The following ADAM17 variants were observed in gnomAD, a reference collection of about 807,000 sequenced individuals.
ADAM17 encodes disintegrin and metalloproteinase domain-containing protein 17.
In ADAM17, 39 loss-of-function variants were observed where a neutral mutation model predicts 96.7. The observed-to-expected ratio is 0.40, with a 90% CI of 0.31 to 0.53. The LOEUF (loss-of-function observed/expected upper bound fraction) is 0.53, where lower values mean the gene tolerates loss of function less well. Ranked by LOEUF, ADAM17 falls within the 20% of genes least tolerant of loss-of-function variation. The pLI, the probability that ADAM17 is intolerant of heterozygous loss-of-function variation, is 0.44. For synonymous variants in ADAM17, 344 were observed against 359.2 expected (o/e 0.96, Z 0.48); for missense variants, 777 against 1,013.2 (o/e 0.77, Z 3.17).
intron 1 of ADAM17, among the ~76,000 whole-genome samples, chr2:9,546,443 C>T (rs1665406481): frequency 6.6e-6 from 1 of 152,196 alleles, no homozygotes; most frequent in African/African-American, 2.4e-5. Flanking sequence ...CGTACTACTG[C>T]TATTGTGTTT....
At chr2:9,538,001 GGAAGGGAGGGGAGGA>G (rs1665052343) in intron 2 of ADAM17, among the ~76,000 whole-genome samples, 2 of 24,116 alleles carry the variant, frequency 8.3e-5, no homozygotes, top group Admixed American at 2.8e-4. Flanking sequence ...GGAGGGGAGG[GGAAGGGAGGGGAGGA>G]GAGGGGAGGG....
In ADAM17 at chr2:9,505,155, A is replaced by G. The variant is rs1287128772; in HGVS notation, c.1544+11T>C. The G allele has an allele frequency of 1.2e-6, 2 of 1,614,012 alleles. No individual in the cohort carries two copies. Among genetic ancestry groups the G allele is most frequent in the Admixed American group, 3.3e-5 (2 of 60,012 alleles). ...CCAACTTCCCAAAATCCCTGTGGAG[A>G]GACTCCTCACCTGCACTGGACACCT... On this transcript the variant is annotated intron_variant, in intron 12 of 18. Coordinates refer to ENST00000310823, the MANE Select transcript of ADAM17 (RefSeq NM_003183.6).
chr2:9,514,547 A>G lies in ADAM17; in HGVS notation c.1191+3354T>C, dbSNP rs868216284. Among the ~76,000 whole-genome samples, 12 of 96,022 alleles carry G rather than the reference A, an allele frequency of 1.2e-4. 1 individual carries two copies. Among genetic ancestry groups the G allele is most frequent in the African/African-American group, 3.9e-4 (12 of 30,810 alleles). The allele number at this position is 96,022 out of a possible 152,430, so 63.0% of individuals were successfully genotyped here. On this transcript the variant is annotated intron_variant, in intron 10 of 18. Transcript: ENST00000310823. ...TATATATATATATATATATATATAT[A>G]TATATATATATATATATATATAAAT...
At chr2:9,535,664 A>G (rs527889823) in intron 4 of ADAM17, among the ~76,000 whole-genome samples, 170 bp downstream of exon 4, 6 of 152,336 alleles carry the variant, frequency 3.9e-5, no homozygotes, top group Admixed American at 3.9e-4. Flanking sequence ...GTATCATAAC[A>G]CAGCTTCTTA....
chr2:9,511,765 G>T (rs1309973764), intron 10 of ADAM17, among the ~76,000 whole-genome samples: 2 of 152,144 alleles, frequency 1.3e-5, no homozygotes, highest in African/African-American at 4.8e-5. Context: ...GAGGTCAGGA[G>T]TTCCAGACCA....
chr2:9,521,139 T>C (rs111287535), intron 8 of ADAM17, 64 bp downstream of exon 8: 3 of 1,313,234 alleles, frequency 2.3e-6, no homozygotes, highest in South Asian at 2.4e-5. Context: ...TTAAAACACA[T>C]ACAATCCACA....
rs527627488 is a variant in ADAM17 at position 9,555,370 on chromosome 2, C to G, written c.97+139G>C. The G allele has an allele frequency of 7.9e-5, 51 of 643,028 alleles. 1 individual carries two copies. Among genetic ancestry groups the G allele is most frequent in the Admixed American group, 6.0e-4 (19 of 31,408 alleles). The allele number at this position is 643,028 out of a possible 1,614,324, so 39.8% of individuals were successfully genotyped here. On this transcript the variant is annotated intron_variant, in intron 1 of 18. Coordinates refer to ENST00000310823, the MANE Select transcript of ADAM17 (RefSeq NM_003183.6). Reference sequence around the variant, plus strand: ...TCCCCAAACTCCGAGAGCCACACCCCCTTCTACACTGAAAACTTAGGGACG... The same window carrying G: ...TCCCCAAACTCCGAGAGCCACACCCGCTTCTACACTGAAAACTTAGGGACG...
intron 13 of ADAM17, among the ~76,000 whole-genome samples, chr2:9,497,499 C>T (rs1240589739): frequency 6.6e-6 from 1 of 152,252 alleles, no homozygotes. Flanking sequence ...ATGGTCTCCA[C>T]TTCTGCATCT....
intron 7 of ADAM17, chr2:9,522,126 C>T (rs1177922535): frequency 3.3e-6 from 1 of 301,010 alleles, no homozygotes; most frequent in Non-Finnish European, 6.0e-6. Context: ...TACAGGTTCC[C>T]TGAAACTCAA....
At chr2:9,549,685 T>C (rs973968323) in intron 1 of ADAM17, among the ~76,000 whole-genome samples, 8 of 152,020 alleles carry the variant, frequency 5.3e-5, no homozygotes, top group African/African-American at 1.9e-4. Context: ...GGCTAATTTT[T>C]GTTTCTATTT....
chr2:9,531,451 C>T (rs1270956254), intron 4 of ADAM17, among the ~76,000 whole-genome samples: 2 of 152,098 alleles, frequency 1.3e-5, no homozygotes, highest in Non-Finnish European at 2.9e-5. Flanking sequence ...CCTGTAATCC[C>T]AGCACCTTGG....
intron 1 of ADAM17, among the ~76,000 whole-genome samples, chr2:9,553,642 T>A (rs1034057161): frequency 7.5e-6 from 1 of 133,546 alleles, no homozygotes; most frequent in African/African-American, 2.9e-5. Flanking sequence ...GCCATTGCAC[T>A]CCAGCCTGGG....
rs747554740 is a variant in ADAM17, at chr2:9,518,228, G to A, written c.977C>T (p.Ala326Val). Residue 326 changes from alanine (A) to valine (V), a missense_variant, in exon 9 of 19, where the codon GCT (alanine) becomes GTT (valine). By Grantham distance (64) the Ala-to-Val change is moderately conservative (BLOSUM62 0). This residue lies in a region of ADAM17 where 446 missense variants were observed against 664.7 expected (regional missense o/e 0.67). Transcript: ENST00000310823. ...MLLEQFSFDI[A>V]EEASKVCLAH... ...CAAGCAAACTTTAGATGCTTCCTCA[G>A]CTATATCAAAGCTAAATTGCTTTGA... The A allele has an allele frequency of 3.8e-6, 5 of 1,330,232 alleles. No homozygotes were observed. Among genetic ancestry groups the A allele is most frequent in the Non-Finnish European group, 4.9e-6 (5 of 1,010,538 alleles). The allele number at this position is 1,330,232 out of a possible 1,614,324, so 82.4% of individuals were successfully genotyped here.
intron 11 of ADAM17, among the ~76,000 whole-genome samples, chr2:9,509,534 GCCTTTCTC>G: frequency 6.6e-6 from 1 of 152,270 alleles, no homozygotes; most frequent in South Asian, 2.1e-4. Flanking sequence ...ACAAGGAAGG[GCCTTTCTC>G]CCATGAGGCT....
intron 1 of ADAM17, among the ~76,000 whole-genome samples, chr2:9,549,267 A>C (rs894202950): frequency 6.6e-6 from 1 of 152,144 alleles, no homozygotes; most frequent in African/African-American, 2.4e-5. Context: ...GCTACTCAGA[A>C]GCCTGAGGCA....
intron 13 of ADAM17, among the ~76,000 whole-genome samples, chr2:9,500,088 C>CA (rs1558499517): frequency 6.6e-6 from 1 of 151,528 alleles, no homozygotes; most frequent in Admixed American, 6.6e-5. Flanking sequence ...CACAAAAACT[C>CA]ATAGATAAAT....
At chr2:9,516,002 C>T (rs923301882) in intron 10 of ADAM17, among the ~76,000 whole-genome samples, 123 of 152,190 alleles carry the variant, frequency 8.1e-4, no homozygotes, top group African/African-American at 2.6e-3. Flanking sequence ...CTCCTGGGCT[C>T]GAGCAATCCT....
chr2:9,498,644 C>G (rs1018962403), intron 13 of ADAM17, among the ~76,000 whole-genome samples: 2 of 152,164 alleles, frequency 1.3e-5, no homozygotes, highest in African/African-American at 4.8e-5. Flanking sequence ...GATAACCAGG[C>G]ACTTTGCCTC....
chr2:9,541,626 C>G (rs2125039571), intron 2 of ADAM17, among the ~76,000 whole-genome samples: 1 of 152,252 alleles, frequency 6.6e-6, no homozygotes, highest in East Asian at 1.9e-4. Context: ...CTCTCTGGGT[C>G]TGAGAAGTCT....
Sources: gnomAD v4.1 joint callset for allele counts (sites outside exome capture counted in the v4.1 genomes callset) on GRCh38, gnomAD v4.1.1 for gene constraint, gnomAD v4.1.1 regional missense constraint, MANE v1.5 for transcripts, NCBI Gene and HGNC (gene_info 2026-07-23, HGNC 2026-07-21) for gene names.